Variants in RNASE11 observed in about 807,000 individuals in gnomAD.
RNASE11 encodes ribonuclease A family member 11 (inactive).
For synonymous variants in RNASE11, 105 were observed against 86.1 expected (o/e 1.22, Z -1.21); for missense variants, 252 against 237.8 (o/e 1.06, Z -0.39).
chr14:20,587,786 C>T, upstream of RNASE11: 1 of 985,552 alleles, frequency 1.0e-6, no homozygotes, highest in South Asian at 4.7e-5. Flanking sequence ...CCCCAACGCC[C>T]CCTCCTAAAT....
chr14:20,585,156 G>C, intron 1 of RNASE11: 1 of 854,228 alleles, frequency 1.2e-6, no homozygotes, highest in Non-Finnish European at 1.4e-6. Flanking sequence ...GCAACAGAGG[G>C]GTAGATAGGG....
rs573081343 is a variant in RNASE11, at chr14:20,583,688, C to T, written c.*187G>A. 25 of 353,652 alleles carry T rather than the reference C, an allele frequency of 7.1e-5. 1 individual carries two copies. The highest frequency in any genetic ancestry group is 5.8e-4 in the South Asian group (17 of 29,172). The allele number at this position is 353,652 out of a possible 1,614,324, so 21.9% of individuals were successfully genotyped here. ...AGAGATAGAGAGAGAAGAATCTGCA[C>T]GCCAGTATCAGTCATAACTTTTAAT... is the stretch of plus-strand genomic sequence containing the variant. On this transcript the variant is annotated 3_prime_UTR_variant, in exon 2 of 2. Coordinates refer to ENST00000553849, the Ensembl canonical transcript of RNASE11.
upstream of RNASE11, among the ~76,000 whole-genome samples, chr14:20,589,496 A>G (rs1031879448): frequency 4.0e-5 from 6 of 150,374 alleles, no homozygotes; most frequent in African/African-American, 7.3e-5. Flanking sequence ...CTCGTGATCC[A>G]CCCGCCTCGG....
At chr14:20,587,905 A>G, upstream of RNASE11, 2 of 934,778 alleles carry the variant, frequency 2.1e-6, no homozygotes, top group South Asian at 5.0e-5. Context: ...TGAGCAATGA[A>G]CAGCTGAAGT....
chr14:20,586,235 C>G (rs1884430793), intron 1 of RNASE11, among the ~76,000 whole-genome samples: 1 of 152,076 alleles, frequency 6.6e-6, no homozygotes, highest in African/African-American at 2.4e-5. Context: ...TTTTAATATA[C>G]CCTATGCCAT....
exon 2 of RNASE11, chr14:20,584,241 G>C: frequency 6.2e-7 from 1 of 1,614,178 alleles, no homozygotes; most frequent in African/African-American, 1.3e-5. Context: ...GTAAACTTCT[G>C]AATGTCAGTA....
chr14:20,584,466 G>T, exon 2 of RNASE11: 8 of 1,591,186 alleles, frequency 5.0e-6, no homozygotes, highest in African/African-American at 1.4e-5. Context: ...GCAGAGGAAA[G>T]GTCTCCATCT....
downstream of RNASE11, chr14:20,583,479 A>G (rs1014774679): frequency 6.9e-5 from 13 of 188,766 alleles, no homozygotes; most frequent in Non-Finnish European, 1.2e-4. Flanking sequence ...TGTCACACTC[A>G]TTCACTATTT....
chr14:20,583,005 A>G (rs926128804), downstream of RNASE11: 6 of 152,248 alleles, frequency 3.9e-5, no homozygotes, highest in Non-Finnish European at 7.3e-5. Flanking sequence ...ACATCGATGA[A>G]GAAGATAACT....
intron 1 of RNASE11, among the ~76,000 whole-genome samples, chr14:20,586,649 T>A (rs1952079616): frequency 6.6e-6 from 1 of 152,148 alleles, no homozygotes; most frequent in South Asian, 2.1e-4. Flanking sequence ...TTATAGGGAA[T>A]TTATTTTGTT....
upstream of RNASE11, among the ~76,000 whole-genome samples, chr14:20,589,814 G>A (rs1221795051): frequency 1.3e-5 from 2 of 152,054 alleles, no homozygotes; most frequent in Non-Finnish European, 2.9e-5. Context: ...TTGAACCCGG[G>A]AAGCAGAGGT....
chr14:20,586,573 G>C (rs1884438730), intron 1 of RNASE11, among the ~76,000 whole-genome samples: 1 of 152,194 alleles, frequency 6.6e-6, no homozygotes, highest in South Asian at 2.1e-4. Flanking sequence ...TATGTGTCCA[G>C]GTGTGTGTCC....
chr14:20,587,896 G>T, upstream of RNASE11: 1 of 959,200 alleles, frequency 1.0e-6, no homozygotes, highest in Non-Finnish European at 1.2e-6. Flanking sequence ...AAGTCCAAAT[G>T]AGCAATGAAC....
intron 1 of RNASE11, chr14:20,585,103 T>G: frequency 1.0e-6 from 1 of 985,256 alleles, no homozygotes; most frequent in South Asian, 4.7e-5. Flanking sequence ...CGTGTTTGTT[T>G]CCTGGGAGTT....
exon 2 of RNASE11, chr14:20,583,647 C>T (rs1408385443): frequency 1.2e-5 from 3 of 251,234 alleles, no homozygotes; most frequent in Non-Finnish European, 2.3e-5. Flanking sequence ...TCCCCACCCT[C>T]CCCCCACACA....
chr14:20,584,747 T>G (rs1884399188), intron 1 of RNASE11, among the ~76,000 whole-genome samples: 1 of 152,222 alleles, frequency 6.6e-6, no homozygotes, highest in Admixed American at 6.5e-5. Context: ...AAAAAAATTG[T>G]GAGAATTACG....
chr14:20,590,040 G>T, upstream of RNASE11: 1 of 713,102 alleles, frequency 1.4e-6, no homozygotes, highest in Non-Finnish European at 2.2e-6. Flanking sequence ...AGGACCTAGA[G>T]ATAAGGGACA....
At chr14:20,587,295 T>C (rs564610182) in intron 1 of RNASE11, among the ~76,000 whole-genome samples, 4 of 152,342 alleles carry the variant, frequency 2.6e-5, no homozygotes, top group Middle Eastern at 3.4e-3. Context: ...GAAATTACTC[T>C]GAGGATACAT....
At chr14:20,584,768 T>C (rs891837282) in intron 1 of RNASE11, among the ~76,000 whole-genome samples, 1 of 152,138 alleles carries the variant, frequency 6.6e-6, no homozygotes, top group African/African-American at 2.4e-5. Context: ...TAAGGTGACA[T>C]GTTTAAAGAT....
Sources: gnomAD v4.1 joint callset for allele counts (sites outside exome capture counted in the v4.1 genomes callset) on GRCh38, gnomAD v4.1.1 for gene constraint, MANE v1.5 for transcripts, NCBI Gene and HGNC (gene_info 2026-07-23, HGNC 2026-07-21) for gene names.